Variants in SLC27A6 observed in about 807,000 individuals in gnomAD.
The protein encoded by SLC27A6 is long-chain fatty acid transport protein 6.
A neutral mutation model predicts 63.9 loss-of-function variants in SLC27A6; 74 were observed. That is an observed-to-expected ratio of 1.16 (90% confidence interval 0.96 to 1.40). SLC27A6 has a LOEUF of 1.40. Ranked by LOEUF, SLC27A6 falls within the 40% of genes most tolerant of loss-of-function variation. The pLI is 0.00. For synonymous variants in SLC27A6, 287 were observed against 260.8 expected, an observed-to-expected ratio of 1.10 and a Z score of -0.97; for missense variants, 794 against 732.9, an observed-to-expected ratio of 1.08 and a Z score of -0.96.
At chr5:128,970,752 A>G (rs1007102700) in intron 1 of SLC27A6, among the ~76,000 whole-genome samples, 15 of 150,300 alleles carry the variant, frequency 1.0e-4, no homozygotes, top group Admixed American at 4.7e-4. Context: ...TTATGTCTCT[A>G]TCTCCTTCAG....
In SLC27A6 at chr5:129,032,088, C is replaced by T. The variant is rs535915308; in HGVS notation, c.1684-1018C>T. ...TTCCCACAAAGGGATACACTCTTAT[C>T]TCCTTTAAACACCTTGAAACAGAGA... On this transcript the variant is annotated intron_variant, in intron 9 of 9. Coordinates refer to ENST00000262462, the MANE Select transcript of SLC27A6 (RefSeq NM_001017372.3). 3.8e-4 allele frequency among the ~76,000 whole-genome samples: 58 copies of T among 152,124 alleles called. 2 individuals carry two copies. The South Asian group carries it at 0.012, about 30-fold the overall frequency.
intron 1 of SLC27A6, among the ~76,000 whole-genome samples, chr5:128,984,374 T>C (rs990835927): frequency 6.6e-6 from 1 of 152,146 alleles, no homozygotes; most frequent in Non-Finnish European, 1.5e-5. Context: ...CTTGAACAGA[T>C]GATATTTTTT....
intron 4 of SLC27A6, among the ~76,000 whole-genome samples, chr5:129,006,603 C>T (rs1256317120): frequency 1.3e-5 from 2 of 151,844 alleles, no homozygotes; most frequent in African/African-American, 4.8e-5. Context: ...CATAAAATTC[C>T]ATGCTCATAA....
chr5:129,014,605 C>G (rs573553371), intron 4 of SLC27A6, among the ~76,000 whole-genome samples: 1 of 152,284 alleles, frequency 6.6e-6, no homozygotes, highest in South Asian at 2.1e-4. Context: ...GTTCCTCAAC[C>G]CAAACTGGTG....
In SLC27A6 at chr5:129,016,994, G is replaced by C. The variant is rs116296339; in HGVS notation, c.1164+915G>C. Among the ~76,000 whole-genome samples, 1,393 of 152,194 alleles carry C rather than the reference G, an allele frequency of 9.2e-3. 16 individuals are homozygous for C. The highest frequency in any genetic ancestry group is 0.031 in the African/African-American group (1,287 of 41,534). On this transcript the variant is annotated intron_variant, in intron 5 of 9. Coordinates refer to ENST00000262462, the MANE Select transcript of SLC27A6 (RefSeq NM_001017372.3). ...CTTATACTCAACAATAATTTTTTAA[G>C]AATGCAGGCAAAAATAAAGATAGCA...
intron 3 of SLC27A6, among the ~76,000 whole-genome samples, chr5:128,989,933 A>AAAAAAAC: frequency 6.6e-6 from 1 of 151,996 alleles, no homozygotes; most frequent in African/African-American, 2.4e-5. Context: ...CAAAAAAAAA[A>AAAAAAAC]AAAAAAAGAT....
At chr5:129,012,389 C>A (rs182338003) in intron 4 of SLC27A6, among the ~76,000 whole-genome samples, 1 of 151,478 alleles carries the variant, frequency 6.6e-6, no homozygotes, top group African/African-American at 2.4e-5. Flanking sequence ...AACAAATGAT[C>A]GATCTATTTT....
intron 1 of SLC27A6, among the ~76,000 whole-genome samples, chr5:128,981,548 C>A (rs1320835284): frequency 1.3e-5 from 2 of 151,108 alleles, no homozygotes; most frequent in African/African-American, 4.9e-5. Context: ...CAAAATGGTA[C>A]AAATTTCAGT....
At chr5:128,968,403 C>T (rs1443956013) in intron 1 of SLC27A6, among the ~76,000 whole-genome samples, 1 of 152,126 alleles carries the variant, frequency 6.6e-6, no homozygotes, top group Non-Finnish European at 1.5e-5. Context: ...TCCTATTTCT[C>T]CACATCCTCT....
Position 129,031,291 on chromosome 5 carries a change from TAAAAG to T in SLC27A6, c.1683+1588_1683+1592del, listed in dbSNP as rs1032544984. ...TGAATGTTAGTAATAAATGATCTCA[TAAAAG>T]AAATGCAAAAGTAAAAGTTACTTCT... On this transcript the variant is annotated intron_variant, in intron 9 of 9. Transcript: ENST00000262462. Among the ~76,000 whole-genome samples, 16 of 152,056 alleles carry T rather than the reference TAAAAG, an allele frequency of 1.1e-4. No homozygotes were observed. The South Asian group carries it at 1.2e-3, about 12-fold the overall frequency.
At chr5:129,011,896 T>C (rs1751739650) in intron 4 of SLC27A6, among the ~76,000 whole-genome samples, 1 of 152,130 alleles carries the variant, frequency 6.6e-6, no homozygotes, top group African/African-American at 2.4e-5. Flanking sequence ...ATAAATTTTC[T>C]CTGTGACCCA....
Position 128,988,868 on chromosome 5 carries a change from ATTATT to A in SLC27A6, c.844+116_844+120del, listed in dbSNP as rs1202832329. The A allele has an allele frequency of 1.3e-5, 9 of 714,252 alleles. No individual in the cohort carries two copies. In the African/African-American group the frequency reaches 1.5e-4, roughly 12 times the overall value. The allele number at this position is 714,252 out of a possible 1,614,324, so 44.2% of individuals were successfully genotyped here. A position where few individuals can be genotyped will look rare whatever the true frequency, so the allele number is the denominator to read the frequency against. On this transcript the variant is annotated intron_variant, in intron 3 of 9. Transcript: ENST00000262462. ...TAGAATTTAGAGTGATTATATGCAT[ATTATT>A]TTATTATAACACAATATTTATTTTA...
chr5:129,018,361 G>A (rs1167246284), intron 5 of SLC27A6, among the ~76,000 whole-genome samples: 1 of 151,890 alleles, frequency 6.6e-6, no homozygotes, highest in Admixed American at 6.6e-5. Flanking sequence ...GGAAGTAATC[G>A]GCAGACATGT....
chr5:129,030,599 A>G (rs531313032), intron 9 of SLC27A6, among the ~76,000 whole-genome samples: 7 of 152,106 alleles, frequency 4.6e-5, no homozygotes, highest in African/African-American at 1.7e-4. Flanking sequence ...TTTAACAACA[A>G]CCCTCTGAAA....
chr5:128,981,565 A>T (rs1338103708), intron 1 of SLC27A6, among the ~76,000 whole-genome samples: 3 of 149,698 alleles, frequency 2.0e-5, no homozygotes, highest in Non-Finnish European at 4.4e-5. Flanking sequence ...CAGTTTCTGT[A>T]ACCAGTTATC....
rs779744285 is a variant in SLC27A6 at position 128,966,061 on chromosome 5, C to T, written c.-77C>T. 1.4e-5 allele frequency: 21 copies of T among 1,494,228 alleles called. No homozygotes were observed. The highest frequency in any genetic ancestry group is 2.5e-4 in the Middle Eastern group (1 of 4,008). 92.6% of individuals were successfully genotyped at this position (1,494,228 alleles called of 1,614,324 possible). The stretch of plus-strand genomic sequence containing the variant: ...CTGAGTAGTGAGGATCTGCGGTCTC[C>T]GTGGAGAGCTGTGCCTGGAAGAGAA... On this transcript the variant is annotated 5_prime_UTR_variant, in exon 1 of 10. Transcript: ENST00000262462.
At chr5:129,017,528 AAAT>A (rs1407060709) in intron 5 of SLC27A6, among the ~76,000 whole-genome samples, 1 of 152,138 alleles carries the variant, frequency 6.6e-6, no homozygotes, top group Non-Finnish European at 1.5e-5. Flanking sequence ...AAAAGGAAGG[AAAT>A]AATAAAGAGC....
intron 1 of SLC27A6, 56 bp downstream of exon 1, chr5:128,966,674 C>G: frequency 7.3e-7 from 1 of 1,370,652 alleles, no homozygotes; most frequent in Non-Finnish European, 9.5e-7. Flanking sequence ...TGCTTTCATA[C>G]CCTTTTTTTT....
At chr5:128,988,513 C>T in intron 2 of SLC27A6, 87 bp from the exon 3 acceptor site, 1 of 1,036,384 alleles carries the variant, frequency 9.6e-7, no homozygotes, top group Non-Finnish European at 1.4e-6. Context: ...CTTTCTGTTA[C>T]TTCCTTTCTA....
Sources: allele counts gnomAD v4.1 joint callset (sites outside exome capture counted in the v4.1 genomes callset), GRCh38; gene constraint gnomAD v4.1.1; transcripts MANE v1.5; gene names NCBI Gene and HGNC (gene_info 2026-07-23, HGNC 2026-07-21).